SZT2: variants seen among roughly 807,000 people sequenced by gnomAD.
SZT2 encodes SZT2 subunit of KICSTOR complex, also known as KICSTOR complex protein SZT2.
A neutral mutation model predicts 404.2 loss-of-function variants in SZT2; 216 were observed. The observed-to-expected ratio is 0.53, with a 90% CI of 0.48 to 0.60. The LOEUF is 0.60. SZT2 is among the 20% of genes least tolerant of loss of function. The pLI is 0.00. For synonymous variants in SZT2, 1,693 were observed against 1,749.9 expected (o/e 0.97, Z 0.81); for missense variants, 3,857 against 4,459.2 (o/e 0.86, Z 3.85).
Position 43,391,932 on chromosome 1 carries a change from A to ACATCGTGAGATATTTAAC in SZT2, c.27+1937_27+1938insCATCGTGAGATATTTAAC, listed in dbSNP as rs1648402712. Among the ~76,000 whole-genome samples, 2 of 69,270 alleles carry ACATCGTGAGATATTTAAC rather than the reference A, an allele frequency of 2.9e-5. 1 individual carries two copies. The highest frequency in any genetic ancestry group is 6.0e-5 in the Non-Finnish European group (2 of 33,122). 45.4% of individuals were successfully genotyped at this position (69,270 alleles called of 152,430 possible). On this transcript the variant is annotated intron_variant, in intron 1 of 71. Transcript: ENST00000634258. The stretch of plus-strand genomic sequence containing the variant: ...CTGTCTCTACTAAAAAAAATACAAA[A>ACATCGTGAGATATTTAAC]AATTAGCTGGGCGTGGTGGCGGGCG...
chr1:43,443,681 C>T lies in SZT2; in HGVS notation c.8710C>T (p.Arg2904Cys), dbSNP rs376670562. The change falls in exon 62 of 72, where the codon CGT becomes TGT. Residue 2904 changes from arginine (R) to cysteine (C), a missense_variant. Arg to Cys is a radical substitution (Grantham distance 180). Transcript: ENST00000634258. ...CTTGGATGTGTCGCCCCCGGGAGCC[C>T]GTGAGGAGCCTTGGCTGAAGGAGCT... Reference protein sequence around the residue: ...ESLDVSPPGAREEPWLKELSL... With the variant: ...ESLDVSPPGACEEPWLKELSL... 49 of 1,614,110 alleles carry T rather than the reference C, an allele frequency of 3.0e-5. No homozygotes were observed. Among genetic ancestry groups the T allele is most frequent in the Admixed American group, 1.5e-4 (9 of 60,012 alleles).
rs139810154 is a variant in SZT2, at chr1:43,431,331, T to C, written c.4983T>C (p.Asp1661=). 1,874 of 1,613,458 alleles carry C rather than the reference T, an allele frequency of 1.2e-3. 7 individuals are homozygous for C. The highest frequency in any genetic ancestry group is 9.7e-3 in the Middle Eastern group (59 of 6,058). ...SPGQPSSLRS[D]DGLGPPLPPP... ...GGCAGCCATCATCTTTAAGGTCAGA[T>C]GATGGCCTCGGGCCCCCACTGCCAC... Residue 1661 remains aspartate, a synonymous_variant, in exon 34 of 72, where the codon GAT becomes GAC. Coordinates refer to ENST00000634258, the MANE Select transcript of SZT2 (RefSeq NM_001365999.1).
chr1:43,426,589 C>G lies in SZT2; in HGVS notation c.3214+51C>G. 3.3e-6 allele frequency: 5 copies of G among 1,513,502 alleles called. No individual in the cohort carries two copies. Among genetic ancestry groups the G allele is most frequent in the Non-Finnish European group, 4.4e-6 (5 of 1,128,294 alleles). 93.8% of individuals were successfully genotyped at this position (1,513,502 alleles called of 1,614,324 possible). ...CCAGACCCTGGCCCAGCCCTTTTCCCCCACCCTCACAGGGTGATTTCTGTC... is the reference window on the plus strand; with the variant it reads ...CCAGACCCTGGCCCAGCCCTTTTCCGCCACCCTCACAGGGTGATTTCTGTC... On this transcript the variant is annotated intron_variant, in intron 22 of 71. Coordinates refer to ENST00000634258, the MANE Select transcript of SZT2 (RefSeq NM_001365999.1). This position sits in a 1 kb window ranked among gnomAD's most constrained non-coding sequence, Gnocchi z 4.9.
rs1333990996 is a variant in SZT2, at chr1:43,430,770, C to T, written c.4755C>T (p.Cys1585=). The part of the protein sequence containing the change: ...LRGQHSSVPV[C]SLPTCLGQVL... ...GGCAGCACAGCTCAGTACCTGTGTG[C>T]AGCCTGCCTACCTGCCTGGGTGAGT... The change falls in exon 32 of 72, where the codon TGC becomes TGT. Residue 1585 remains cysteine (C), a synonymous_variant. Coordinates refer to ENST00000634258, the MANE Select transcript of SZT2 (RefSeq NM_001365999.1). The T allele has an allele frequency of 1.2e-6, 2 of 1,609,518 alleles. No homozygotes were observed. The highest frequency in any genetic ancestry group is 8.5e-7 in the Non-Finnish European group (1 of 1,178,110).
chr1:43,441,467 T>C lies in SZT2; in HGVS notation c.7512-37T>C, dbSNP rs1388238587. On this transcript the variant is annotated intron_variant, in intron 53 of 71. Coordinates refer to ENST00000634258, the MANE Select transcript of SZT2 (RefSeq NM_001365999.1). This position sits in a 1 kb window ranked among gnomAD's most constrained non-coding sequence, Gnocchi z 4.8. ...GGTCTGTATAAACATACAAGTGTCA[T>C]GTATGGACATGAGGCTCTTACTCCC... 3.7e-6 allele frequency: 6 copies of C among 1,610,528 alleles called. No individual in the cohort carries two copies. The highest frequency in any genetic ancestry group is 4.2e-6 in the Non-Finnish European group (5 of 1,178,206).
rs1397335549 is a variant in SZT2, at chr1:43,442,764, G to C, written c.8152-55G>C. The C allele has an allele frequency of 1.9e-6, 3 of 1,544,378 alleles. No individual in the cohort carries two copies. Among genetic ancestry groups the C allele is most frequent in the East Asian group, 4.5e-5 (2 of 44,306 alleles). On this transcript the variant is annotated intron_variant, in intron 58 of 71. Coordinates refer to ENST00000634258, the MANE Select transcript of SZT2 (RefSeq NM_001365999.1). The surrounding 1 kb of genome is among the most constrained non-coding windows in gnomAD (Gnocchi z 4.5). Reference sequence around the variant, plus strand: ...TCTGAGAGAGGAAGCCCTGGGATGAGAGAGAGGGTCCGAGGGCAAAGGCTA... The same window carrying C: ...TCTGAGAGAGGAAGCCCTGGGATGACAGAGAGGGTCCGAGGGCAAAGGCTA...
chr1:43,432,867 A>G (rs1654062038), intron 39 of SZT2, 68 bp downstream of exon 39: 2 of 1,597,642 alleles, frequency 1.3e-6, no homozygotes, highest in Non-Finnish European at 1.7e-6. Flanking sequence ...GTACTGGGAA[A>G]GGTCTGGACA....
chr1:43,417,861 A>C (rs1344021411), intron 7 of SZT2, among the ~76,000 whole-genome samples: 1 of 152,180 alleles, frequency 6.6e-6, no homozygotes, highest in African/African-American at 2.4e-5. Flanking sequence ...ACCAGTGTTC[A>C]AGGTCTTTCA....
chr1:43,448,872 T>G lies in SZT2; in HGVS notation c.10086+144T>G, dbSNP rs1656029485. ...GACTACACAGATACATGTAAAACCC[T>G]TCCAGTACCGGGCATCGAGCTACAG... On this transcript the variant is annotated intron_variant, in intron 70 of 71. Transcript: ENST00000634258. This position sits in a 1 kb window ranked among gnomAD's most constrained non-coding sequence, Gnocchi z 4.2. 5 of 747,776 alleles carry G rather than the reference T, an allele frequency of 6.7e-6. No homozygotes were observed. The East Asian group carries it at 1.2e-4, about 18-fold the overall frequency. The allele number at this position is 747,776 out of a possible 1,614,324, so 46.3% of individuals were successfully genotyped here. A position where few individuals can be genotyped will look rare whatever the true frequency, so the allele number is the denominator to read the frequency against.
Position 43,453,600 on chromosome 1 carries a change from G to T in SZT2, c.*3120G>T, listed in dbSNP as rs955607259. 24 of 1,526,546 alleles carry T rather than the reference G, an allele frequency of 1.6e-5. No homozygotes were observed. The allele number at this position is 1,526,546 out of a possible 1,614,324, so 94.6% of individuals were successfully genotyped here. On this transcript the variant is annotated 3_prime_UTR_variant, in exon 72 of 72. Coordinates refer to ENST00000634258, the MANE Select transcript of SZT2 (RefSeq NM_001365999.1). Reference sequence around the variant, plus strand: ...CCTCCCGGCCCGCGACGCACCCGGGGGCGTGTTGATCAGTACAAGCCGCAG... The same window carrying T: ...CCTCCCGGCCCGCGACGCACCCGGGTGCGTGTTGATCAGTACAAGCCGCAG...
Position 43,433,101 on chromosome 1 carries a change from ACT to A in SZT2, c.5719_5720del (p.Ser1907ArgfsTer9), listed in dbSNP as rs934412135. On this transcript the variant is annotated frameshift_variant, in exon 40 of 72. Coordinates refer to ENST00000634258, the MANE Select transcript of SZT2 (RefSeq NM_001365999.1). LOFTEE classifies it high-confidence loss of function. ...PPGPAPPQPS[L>X]SGLPGPCLPD... ...CTGGGCCAGCACCTCCACAGCCTTC[ACT>A]CTCAGGCCTCCCTGGGCCCTGCCTG... The A allele has an allele frequency of 6.2e-7, 1 of 1,613,634 alleles. No individual in the cohort carries two copies. The highest frequency in any genetic ancestry group is 8.5e-7 in the Non-Finnish European group (1 of 1,179,948).
At chr1:43,414,301 A>C (rs540676581) in intron 4 of SZT2, among the ~76,000 whole-genome samples, 29 of 152,184 alleles carry the variant, frequency 1.9e-4, no homozygotes, top group South Asian at 8.3e-4. Context: ...AACAAACAAA[A>C]AAAACTTGAA....
At position 43,439,577 on chromosome 1, in the gene SZT2, C is replaced by A. The variant is rs1570705346; in HGVS notation, c.6878-28C>A. ...GAGGGGTGGTCTGCAAGTCCCAGAG[C>A]TGAGCCTTCCTATGGATTTCTACCC... On this transcript the variant is annotated intron_variant, in intron 49 of 71. Transcript: ENST00000634258. This position sits in a 1 kb window ranked among gnomAD's most constrained non-coding sequence, Gnocchi z 4.2. The A allele has an allele frequency of 6.2e-7, 1 of 1,613,240 alleles. No homozygotes were observed. The highest frequency in any genetic ancestry group is 1.1e-5 in the South Asian group (1 of 90,940).
chr1:43,447,526 C>T lies in SZT2; in HGVS notation c.9287-19C>T, dbSNP rs554441575. The T allele has an allele frequency of 6.2e-7, 1 of 1,612,252 alleles. No homozygotes were observed. The highest frequency in any genetic ancestry group is 8.5e-7 in the Non-Finnish European group (1 of 1,179,140). ...GTCCTAGGCTTAGTGTCTGCTGTCT[C>T]CTGTTACTTATCCCTCAGGGACATT... On this transcript the variant is annotated intron_variant, in intron 66 of 71. Coordinates refer to ENST00000634258, the MANE Select transcript of SZT2 (RefSeq NM_001365999.1).
At position 43,426,701 on chromosome 1, in the gene SZT2, T is replaced by C; in HGVS notation, c.3215-14T>C. 1.9e-6 allele frequency: 3 copies of C among 1,596,800 alleles called. No individual in the cohort carries two copies. Among genetic ancestry groups the C allele is most frequent in the Non-Finnish European group, 2.6e-6 (3 of 1,170,858 alleles). ...GGCCCTGCCCTCTTTCACCCATCTCTACCCCCATTGTAGGTGCCGAGGGGC... is the reference window on the plus strand; with the variant it reads ...GGCCCTGCCCTCTTTCACCCATCTCCACCCCCATTGTAGGTGCCGAGGGGC... On this transcript the variant is annotated splice_polypyrimidine_tract_variant and intron_variant, in intron 22 of 71. Coordinates refer to ENST00000634258, the MANE Select transcript of SZT2 (RefSeq NM_001365999.1). The surrounding 1 kb of genome is among the most constrained non-coding windows in gnomAD (Gnocchi z 4.9).
intron 26 of SZT2, 57 bp downstream of exon 26, chr1:43,427,791 A>G (rs1385684075): frequency 8.9e-6 from 14 of 1,580,520 alleles, no homozygotes; most frequent in Non-Finnish European, 1.2e-5. Flanking sequence ...CCAGCCAAGA[A>G]ATAAGTACAC....
intron 4 of SZT2, chr1:43,409,589 A>G (rs1650761653): frequency 8.3e-6 from 2 of 241,552 alleles, no homozygotes; most frequent in Admixed American, 5.1e-5. Context: ...TACAAAATCA[A>G]CATACAGAAA....
chr1:43,434,351 A>C (rs752660469), intron 40 of SZT2, 35 bp from the exon 41 acceptor site: 12 of 1,542,128 alleles, frequency 7.8e-6, no homozygotes, highest in Non-Finnish European at 9.7e-6. Context: ...ACTCCTCCCC[A>C]CTGCAGTTCT....
chr1:43,429,961 C>T (rs150839749), intron 29 of SZT2, 50 bp from the exon 30 acceptor site: 1 of 1,612,676 alleles, frequency 6.2e-7, no homozygotes, highest in South Asian at 1.1e-5. Context: ...GGAGTAGTAT[C>T]CTGTTGAGGG....
Sources: gnomAD v4.1 joint callset for allele counts (sites outside exome capture counted in the v4.1 genomes callset) on GRCh38, gnomAD v4.1.1 for gene constraint, Gnocchi (gnomAD v3.1) non-coding constraint, MANE v1.5 for transcripts, NCBI Gene and HGNC (gene_info 2026-07-23, HGNC 2026-07-21) for gene names.